The following FHIT variants were observed in gnomAD, a reference collection of about 807,000 sequenced individuals.
The protein encoded by FHIT is bis(5'-adenosyl)-triphosphatase.
In FHIT, 19 loss-of-function variants were observed where a neutral mutation model predicts 17.9. The observed-to-expected ratio is 1.06, with a 90% CI of 0.74 to 1.56. The LOEUF (loss-of-function observed/expected upper bound fraction) is 1.56. FHIT is among the 40% of genes most tolerant of loss of function. FHIT has a pLI of 0.00. For synonymous variants in FHIT, 81 were observed against 69.7 expected (o/e 1.16, Z -0.81); for missense variants, 248 against 189.2 (o/e 1.31, Z -1.82).
chr3:60,845,331 A>C (rs1454859452), intron 3 of FHIT, among the ~76,000 whole-genome samples: 1 of 152,030 alleles, frequency 6.6e-6, no homozygotes, highest in East Asian at 1.9e-4. Flanking sequence ...AAACAAACAA[A>C]CAAACAAAAA....
At chr3:60,171,352 T>C (rs968610063) in intron 5 of FHIT, among the ~76,000 whole-genome samples, 6 of 152,214 alleles carry the variant, frequency 3.9e-5, no homozygotes, top group Non-Finnish European at 7.3e-5. Flanking sequence ...GGAAGGTTTA[T>C]GTGTACTTGG....
intron 5 of FHIT, among the ~76,000 whole-genome samples, chr3:60,225,500 G>C (rs1704155820): frequency 1.3e-5 from 2 of 152,156 alleles, no homozygotes; most frequent in Non-Finnish European, 2.9e-5. Flanking sequence ...TGGGTATTAG[G>C]GATGGGAGAG....
In FHIT at chr3:60,053,955, G is replaced by A. The variant is rs2106893566; in HGVS notation, c.104-39803C>T. On this transcript the variant is annotated intron_variant, in intron 5 of 9. Transcript: ENST00000492590. ...CTATCCACAACCCTACTCAGAGTAT[G>A]CTTCAAATGTAAATCAGAAGCCATA... is the stretch of plus-strand genomic sequence containing the variant. Among the ~76,000 whole-genome samples, 2 of 152,254 alleles carry A rather than the reference G, an allele frequency of 1.3e-5. 1 individual carries two copies. Among genetic ancestry groups the A allele is most frequent in the South Asian group, 4.1e-4 (2 of 4,832 alleles).
At chr3:60,595,774 G>T (rs2038249511) in intron 4 of FHIT, among the ~76,000 whole-genome samples, 2 of 151,878 alleles carry the variant, frequency 1.3e-5, no homozygotes, top group African/African-American at 2.4e-5. Context: ...CTCCTAAGTA[G>T]CTGTAACTAC....
At chr3:60,296,649 A>T (rs1708226452) in intron 5 of FHIT, among the ~76,000 whole-genome samples, 2 of 152,028 alleles carry the variant, frequency 1.3e-5, no homozygotes, top group Non-Finnish European at 2.9e-5. Flanking sequence ...GAAATTTTTT[A>T]AATTTTGAAG....
At chr3:60,389,352 C>T (rs1028920021) in intron 5 of FHIT, among the ~76,000 whole-genome samples, 2 of 152,162 alleles carry the variant, frequency 1.3e-5, no homozygotes, top group Admixed American at 1.3e-4. Context: ...CCTTTGAACA[C>T]TAACTTTCAG....
Position 59,906,380 on chromosome 3 carries a change from G to A in FHIT, c.348+15966C>T, listed in dbSNP as rs79205784. Reference sequence around the variant, plus strand: ...TTAAATGCATTTTTAAGCTATCTGTGTAAATATATTAAAAATTTCCCTCAT... The same window carrying A: ...TTAAATGCATTTTTAAGCTATCTGTATAAATATATTAAAAATTTCCCTCAT... On this transcript the variant is annotated intron_variant, in intron 8 of 9. Transcript: ENST00000492590. Among the ~76,000 whole-genome samples, 230 of 152,296 alleles carry A rather than the reference G, an allele frequency of 1.5e-3. 2 individuals are homozygous for A. The East Asian group carries it at 0.035, about 23-fold the overall frequency.
intron 3 of FHIT, among the ~76,000 whole-genome samples, chr3:60,919,508 T>C (rs966412023): frequency 1.3e-5 from 2 of 151,842 alleles, no homozygotes; most frequent in African/African-American, 4.8e-5. Context: ...AGAAAGTGTA[T>C]TCATGGTGTG....
intron 8 of FHIT, among the ~76,000 whole-genome samples, chr3:59,789,691 A>C (rs1699468587): frequency 6.6e-6 from 1 of 152,148 alleles, no homozygotes; most frequent in Admixed American, 6.6e-5. Context: ...TAGGGGATGC[A>C]TTATAGGGAG....
At chr3:61,113,645 A>G (rs373445984) in intron 2 of FHIT, among the ~76,000 whole-genome samples, 1 of 152,188 alleles carries the variant, frequency 6.6e-6, no homozygotes, top group Non-Finnish European at 1.5e-5. Flanking sequence ...GCTTACCACA[A>G]ACTCATTTGT....
chr3:60,342,381 C>T (rs929585401), intron 5 of FHIT, among the ~76,000 whole-genome samples: 2 of 152,180 alleles, frequency 1.3e-5, no homozygotes, highest in Non-Finnish European at 2.9e-5. Flanking sequence ...CTGAGATTCT[C>T]ATCCTAGGTT....
At chr3:60,899,007 T>C (rs956437663) in intron 3 of FHIT, among the ~76,000 whole-genome samples, 1 of 152,218 alleles carries the variant, frequency 6.6e-6, no homozygotes, top group Non-Finnish European at 1.5e-5. Context: ...ATGCTTTTAA[T>C]TGAAAAACAA....
chr3:61,248,874 G>C (rs971811962), intron 1 of FHIT, among the ~76,000 whole-genome samples: 4 of 151,826 alleles, frequency 2.6e-5, no homozygotes, highest in African/African-American at 9.7e-5. Context: ...ATGAGATGAA[G>C]ATTGCAGACT....
chr3:60,183,596 C>T (rs903391147), intron 5 of FHIT, among the ~76,000 whole-genome samples: 2 of 152,078 alleles, frequency 1.3e-5, no homozygotes, highest in Non-Finnish European at 2.9e-5. Context: ...TTCAAAAAAT[C>T]ACACCACAGG....
chr3:61,198,718 G>A (rs1023896159), intron 2 of FHIT, among the ~76,000 whole-genome samples: 6 of 152,064 alleles, frequency 3.9e-5, no homozygotes, highest in African/African-American at 1.4e-4. Context: ...CTCACTTCCT[G>A]TATTACCTGA....
At chr3:60,068,064 C>T (rs1470345563) in intron 5 of FHIT, among the ~76,000 whole-genome samples, 5 of 151,826 alleles carry the variant, frequency 3.3e-5, no homozygotes, top group African/African-American at 9.7e-5. Flanking sequence ...GGTGAAACCC[C>T]GTCTCTACTA....
intron 5 of FHIT, among the ~76,000 whole-genome samples, chr3:60,074,262 T>G (rs558579454): frequency 6.6e-6 from 1 of 152,202 alleles, no homozygotes; most frequent in Admixed American, 6.5e-5. Flanking sequence ...AGTTAACTGA[T>G]GCACCCATAC....
intron 3 of FHIT, among the ~76,000 whole-genome samples, chr3:60,938,311 C>G (rs1478814843): frequency 2.0e-5 from 3 of 152,118 alleles, no homozygotes; most frequent in Non-Finnish European, 4.4e-5. Flanking sequence ...AGGCTTTCTC[C>G]CCAGAAGCCC....
intron 3 of FHIT, among the ~76,000 whole-genome samples, chr3:60,851,556 A>G (rs1703155598): frequency 6.6e-6 from 1 of 152,134 alleles, no homozygotes; most frequent in Non-Finnish European, 1.5e-5. Flanking sequence ...TCCTACTCTC[A>G]CTTTTTTGGC....
Sources: allele counts gnomAD v4.1 joint callset (sites outside exome capture counted in the v4.1 genomes callset), GRCh38; gene constraint gnomAD v4.1.1; transcripts MANE v1.5; gene names NCBI Gene and HGNC (gene_info 2026-07-23, HGNC 2026-07-21).